Variants in ADCY9 observed in about 807,000 individuals in gnomAD.
The protein encoded by ADCY9 is adenylate cyclase 9, also known as adenylate cyclase type 9.
A neutral mutation model predicts 101.5 loss-of-function variants in ADCY9; 50 were observed. That is an observed-to-expected ratio of 0.49 (90% CI 0.39 to 0.62). ADCY9 has a LOEUF of 0.62. Ranked by LOEUF, ADCY9 falls within the 20% of genes least tolerant of loss-of-function variation. The pLI is 0.00. For synonymous variants in ADCY9, 905 were observed against 769.3 expected (o/e 1.18, Z -2.92); for missense variants, 1,662 against 1,800.4 (o/e 0.92, Z 1.39).
chr16:4,061,031 T>G (rs1387904000), intron 2 of ADCY9, among the ~76,000 whole-genome samples: 5 of 151,902 alleles, frequency 3.3e-5, no homozygotes, highest in Admixed American at 3.3e-4. Flanking sequence ...ACAGAAATTA[T>G]AAAAAGAAAC....
intron 6 of ADCY9, among the ~76,000 whole-genome samples, 183 bp downstream of exon 6, chr16:3,988,811 T>C (rs1256961731): frequency 6.6e-6 from 1 of 152,198 alleles, no homozygotes; most frequent in East Asian, 1.9e-4. Context: ...AAGAAAGGGT[T>C]TTTTTCCTCC....
chr16:4,041,998 A>G (rs1400273446), intron 2 of ADCY9, among the ~76,000 whole-genome samples: 2 of 139,458 alleles, frequency 1.4e-5, no homozygotes, highest in Non-Finnish European at 3.0e-5. Flanking sequence ...ATTTCGACTC[A>G]CTGCAACCTC....
intron 3 of ADCY9, among the ~76,000 whole-genome samples, chr16:4,000,201 G>C (rs916445665): frequency 1.3e-5 from 2 of 152,226 alleles, no homozygotes; most frequent in Non-Finnish European, 2.9e-5. Context: ...GAAACTCCTT[G>C]TATCTGCTTA....
intron 2 of ADCY9, among the ~76,000 whole-genome samples, chr16:4,061,111 A>G (rs113746188): frequency 5.9e-5 from 9 of 152,156 alleles, no homozygotes; most frequent in African/African-American, 2.2e-4. Context: ...GCTCAACAAC[A>G]GAGTTGACAT....
intron 10 of ADCY9, among the ~76,000 whole-genome samples, chr16:3,969,596 A>ATATATATATATATATG (rs1237879711): frequency 1.1e-5 from 1 of 88,650 alleles, no homozygotes; most frequent in Non-Finnish European, 2.1e-5. Context: ...ATATATATAT[A>ATATATATATATATATG]TATATATATA....
chr16:4,038,212 T>C (rs1474836950), intron 2 of ADCY9, among the ~76,000 whole-genome samples: 1 of 150,436 alleles, frequency 6.6e-6, no homozygotes, highest in Admixed American at 6.6e-5. Context: ...GCCCAGGAGG[T>C]CCAGGCTGCA....
At chr16:4,013,669 C>T (rs1041478389) in intron 2 of ADCY9, among the ~76,000 whole-genome samples, 24 of 152,230 alleles carry the variant, frequency 1.6e-4, no homozygotes, top group African/African-American at 5.3e-4. Flanking sequence ...ACGACTAGGT[C>T]GGAAACGACC....
chr16:4,034,018 G>C (rs1057343910), intron 2 of ADCY9, among the ~76,000 whole-genome samples: 2 of 152,228 alleles, frequency 1.3e-5, no homozygotes, highest in Non-Finnish European at 2.9e-5. Context: ...CACATACGCA[G>C]ATGAGGGGAA....
intron 2 of ADCY9, among the ~76,000 whole-genome samples, chr16:4,089,257 G>T (rs1226094494): frequency 6.6e-6 from 1 of 151,924 alleles, no homozygotes; most frequent in Non-Finnish European, 1.5e-5. Flanking sequence ...GAGTTGACAG[G>T]ATTTTGACAT....
At chr16:3,956,590 A>T (rs928971867) in intron 5 of ADCY9, among the ~76,000 whole-genome samples, 4 of 144,764 alleles carry the variant, frequency 2.8e-5, no homozygotes, top group African/African-American at 1.0e-4. Context: ...TCCCAGGTTC[A>T]AGCGATTCTC....
chr16:4,036,817 G>A (rs958238774), intron 2 of ADCY9, among the ~76,000 whole-genome samples: 18 of 151,794 alleles, frequency 1.2e-4, no homozygotes, highest in Non-Finnish European at 2.1e-4. Flanking sequence ...ATATTACTCT[G>A]CTCTCAAGCC....
At chr16:4,043,108 G>C (rs1330059928) in intron 2 of ADCY9, among the ~76,000 whole-genome samples, 1 of 152,096 alleles carries the variant, frequency 6.6e-6, no homozygotes, top group Non-Finnish European at 1.5e-5. Context: ...GCGGGCGACT[G>C]AAGTCCCAGC....
rs113694689 is a variant in ADCY9, at chr16:3,954,774, G to A, written c.568-1258C>T. Among the ~76,000 whole-genome samples the A allele has an allele frequency of 3.0e-3, 461 of 152,306 alleles. 4 individuals carry two copies. Among genetic ancestry groups the A allele is most frequent in the African/African-American group, 8.6e-3 (359 of 41,562 alleles). On this transcript the variant is annotated intron_variant, in intron 5 of 5. Coordinates refer to the ADCY9 transcript ENST00000576936. ...AGCTCTTGGCAGAGCCATCCACAGC[G>A]ATGATTACTGTGGACACAGATGGGG...
intron 2 of ADCY9, among the ~76,000 whole-genome samples, chr16:4,094,626 C>T (rs1844554583): frequency 6.6e-6 from 1 of 150,752 alleles, no homozygotes; most frequent in South Asian, 2.1e-4. Flanking sequence ...ACCCCCATCT[C>T]TAATAAGAAA....
intron 2 of ADCY9, among the ~76,000 whole-genome samples, chr16:4,078,430 G>A (rs2056881137): frequency 6.6e-6 from 1 of 151,886 alleles, no homozygotes; most frequent in African/African-American, 2.4e-5. Flanking sequence ...AGGTGTGGTG[G>A]TGTACACCTG....
intron 10 of ADCY9, among the ~76,000 whole-genome samples, chr16:3,970,758 C>T (rs536748046): frequency 1.3e-5 from 2 of 152,356 alleles, no homozygotes; most frequent in South Asian, 2.1e-4. Flanking sequence ...AAGCCCTGGC[C>T]GTGGGTGGAA....
chr16:4,105,081 C>A (rs56797272), intron 2 of ADCY9, among the ~76,000 whole-genome samples: 20,796 of 149,820 alleles, frequency 0.14, 1,629 homozygotes, highest in African/African-American at 0.22. Context: ...AAAAAAAAAA[C>A]AAAAAACTTC....
chr16:4,022,931 C>T (rs1174317712), intron 2 of ADCY9, among the ~76,000 whole-genome samples: 1 of 152,198 alleles, frequency 6.6e-6, no homozygotes, highest in Non-Finnish European at 1.5e-5. Flanking sequence ...CCTACTAACA[C>T]CTTACATTGA....
intron 2 of ADCY9, among the ~76,000 whole-genome samples, chr16:4,112,176 T>C (rs1454476986): frequency 2.0e-5 from 3 of 152,184 alleles, no homozygotes; most frequent in African/African-American, 2.4e-5. Context: ...CACAGCCCCG[T>C]CCACTGACAC....
Sources: allele counts gnomAD v4.1 joint callset (sites outside exome capture counted in the v4.1 genomes callset), GRCh38; gene constraint gnomAD v4.1.1; transcripts MANE v1.5; gene names NCBI Gene and HGNC (gene_info 2026-07-23, HGNC 2026-07-21).